CDKL3: variants seen among roughly 807,000 people sequenced by gnomAD.
CDKL3 encodes cyclin dependent kinase like 3.
Under a neutral mutation model 69.3 loss-of-function variants are expected in CDKL3, and 65 were observed. The observed-to-expected ratio is 0.94, with a 90% CI of 0.77 to 1.15. The LOEUF (loss-of-function observed/expected upper bound fraction) is 1.15. Ranked by LOEUF, CDKL3 falls within the 50% of genes most tolerant of loss-of-function variation. The probability of loss-of-function intolerance (pLI) is 0.00; values close to 1 mark genes in which losing one functional copy is unlikely to be tolerated. For synonymous variants in CDKL3, 202 were observed against 221.6 expected (o/e 0.91, Z 0.79); for missense variants, 652 against 689.2 (o/e 0.95, Z 0.61).
downstream of CDKL3, among the ~76,000 whole-genome samples, chr5:134,295,016 T>C (rs576766734): frequency 4.3e-3 from 609 of 142,434 alleles, 2 homozygotes; most frequent in African/African-American, 0.013. Context: ...TTTTTCTTTT[T>C]TTTTTTTTTT....
At chr5:134,324,760 C>T (rs539225058) in intron 4 of CDKL3, among the ~76,000 whole-genome samples, 2 of 152,104 alleles carry the variant, frequency 1.3e-5, no homozygotes, top group Non-Finnish European at 2.9e-5. Flanking sequence ...CTGTATGATA[C>T]TATAATGATG....
chr5:134,335,072 CTTCT>C (rs1198276293), intron 4 of CDKL3, among the ~76,000 whole-genome samples: 3 of 150,490 alleles, frequency 2.0e-5, no homozygotes, highest in South Asian at 2.1e-4. Flanking sequence ...ATGTAACGGC[CTTCT>C]TTGTCTCTTT....
intron 8 of CDKL3, among the ~76,000 whole-genome samples, chr5:134,292,451 C>G (rs965004003): frequency 6.6e-6 from 1 of 151,928 alleles, no homozygotes; most frequent in African/African-American, 2.4e-5. Flanking sequence ...TTGTAGGAAG[C>G]AGCTATAAAA....
At chr5:134,323,619 TA>T (rs891823131) in intron 4 of CDKL3, among the ~76,000 whole-genome samples, 3 of 151,580 alleles carry the variant, frequency 2.0e-5, no homozygotes, top group African/African-American at 7.3e-5. Flanking sequence ...AATAATAAGA[TA>T]AAAAAAAGAC....
At chr5:134,296,176 C>T (rs545262828), downstream of CDKL3, among the ~76,000 whole-genome samples, 11 of 152,014 alleles carry the variant, frequency 7.2e-5, no homozygotes, top group Non-Finnish European at 1.2e-4. Context: ...GGATTACAGG[C>T]GTGAGCCACC....
At chr5:134,362,757 C>G (rs1385504201) in intron 2 of CDKL3, among the ~76,000 whole-genome samples, 7 of 151,814 alleles carry the variant, frequency 4.6e-5, no homozygotes, top group Non-Finnish European at 7.4e-5. Context: ...GGTGAAACCC[C>G]GTCTCTACTA....
chr5:134,355,319 T>TATAATCACAC (rs1483525608), intron 3 of CDKL3, among the ~76,000 whole-genome samples: 1 of 150,582 alleles, frequency 6.6e-6, no homozygotes, highest in African/African-American at 2.4e-5. Flanking sequence ...CCTTACTTCA[T>TATAATCACAC]ATAATCACAC....
intron 4 of CDKL3, among the ~76,000 whole-genome samples, chr5:134,325,545 G>A (rs1420483385): frequency 2.6e-5 from 4 of 152,028 alleles, no homozygotes; most frequent in Admixed American, 1.3e-4. Flanking sequence ...GTTTTCCAGA[G>A]AGATTGTACA....
intron 4 of CDKL3, among the ~76,000 whole-genome samples, chr5:134,346,004 C>G (rs1277266309): frequency 6.6e-6 from 1 of 152,164 alleles, no homozygotes; most frequent in African/African-American, 2.4e-5. Flanking sequence ...ATCTCTCTGA[C>G]CTTCTCCTGC....
chr5:134,360,958 C>T (rs1047599507), intron 2 of CDKL3, among the ~76,000 whole-genome samples: 3 of 152,172 alleles, frequency 2.0e-5, no homozygotes, highest in Non-Finnish European at 4.4e-5. Flanking sequence ...TTTATAACCA[C>T]AGAAACTTTA....
At chr5:134,331,878 ACT>A (rs1182008396) in intron 4 of CDKL3, among the ~76,000 whole-genome samples, 1 of 152,160 alleles carries the variant, frequency 6.6e-6, no homozygotes, top group Admixed American at 6.5e-5. Flanking sequence ...GAATCGCCAC[ACT>A]GTCTTCCACA....
chr5:134,296,627 C>T (rs1343703979), downstream of CDKL3, among the ~76,000 whole-genome samples: 1 of 152,062 alleles, frequency 6.6e-6, no homozygotes, highest in African/African-American at 2.4e-5. Context: ...CTGAAACTTA[C>T]TTAAGGTCTA....
chr5:134,288,371 A>G (rs1419593897), intron 8 of CDKL3, among the ~76,000 whole-genome samples: 2 of 152,208 alleles, frequency 1.3e-5, no homozygotes, highest in African/African-American at 2.4e-5. Context: ...GTCTCCAGAG[A>G]TTAATTTTCT....
At chr5:134,305,296 G>A (rs1173669485) in intron 10 of CDKL3, among the ~76,000 whole-genome samples, 1 of 151,696 alleles carries the variant, frequency 6.6e-6, no homozygotes, top group Admixed American at 6.6e-5. Context: ...TTCATTTTTT[G>A]TACAGACAGG....
intron 4 of CDKL3, among the ~76,000 whole-genome samples, chr5:134,337,828 TGATA>T (rs1283720377): frequency 6.6e-6 from 1 of 152,234 alleles, no homozygotes; most frequent in Non-Finnish European, 1.5e-5. Context: ...CATATTGTTT[TGATA>T]GAGGCTCTTT....
At chr5:134,322,321 GT>G (rs1451616058) in intron 4 of CDKL3, among the ~76,000 whole-genome samples, 3 of 152,174 alleles carry the variant, frequency 2.0e-5, no homozygotes, top group East Asian at 3.9e-4. Flanking sequence ...CCATTTGTAA[GT>G]TTTTATTGTA....
At chr5:134,312,684 CCT>C (rs1769891549) in intron 6 of CDKL3, among the ~76,000 whole-genome samples, 1 of 152,150 alleles carries the variant, frequency 6.6e-6, no homozygotes, top group Admixed American at 6.5e-5. Context: ...TCTTTTCTGC[CCT>C]GACAGGTGGA....
downstream of CDKL3, chr5:134,298,409 G>A: frequency 7.8e-7 from 1 of 1,288,832 alleles, no homozygotes; most frequent in Non-Finnish European, 9.8e-7. Context: ...CAGTAATCAT[G>A]GCAAAAAAAA....
downstream of CDKL3, among the ~76,000 whole-genome samples, chr5:134,284,533 A>G (rs912135232): frequency 6.6e-6 from 1 of 152,168 alleles, no homozygotes; most frequent in Non-Finnish European, 1.5e-5. Flanking sequence ...TCTTAACAGG[A>G]AAGAGGGTTC....
Sources: gnomAD v4.1 joint callset for allele counts (sites outside exome capture counted in the v4.1 genomes callset) on GRCh38, gnomAD v4.1.1 for gene constraint, MANE v1.5 for transcripts, NCBI Gene and HGNC (gene_info 2026-07-23, HGNC 2026-07-21) for gene names.